ARHGDIA: variants seen among roughly 807,000 people sequenced by gnomAD.
ARHGDIA encodes the protein Rho GDP dissociation inhibitor alpha, also known as rho GDP-dissociation inhibitor 1.
In ARHGDIA, 9 loss-of-function variants were observed where a neutral mutation model predicts 25.0. The observed-to-expected ratio is 0.36, with a 90% CI of 0.22 to 0.63. The LOEUF (loss-of-function observed/expected upper bound fraction) is 0.63. ARHGDIA is among the 20% of genes least tolerant of loss of function. The pLI is 0.69. For synonymous variants in ARHGDIA, 166 were observed against 111.5 expected, an observed-to-expected ratio of 1.49 and a Z score of -3.08; for missense variants, 239 against 264.3, an observed-to-expected ratio of 0.90 and a Z score of 0.66.
rs755356784 is a variant in ARHGDIA at position 81,869,091 on chromosome 17, G to C, written c.416-16C>G. Reference sequence around the variant, plus strand: ...GTCTTGTCAACTGCGGCACAAGGAAGAGGGCGGTCAGCGGCCCCGCTTCCC... The same window carrying C: ...GTCTTGTCAACTGCGGCACAAGGAACAGGGCGGTCAGCGGCCCCGCTTCCC... On this transcript the variant is annotated splice_polypyrimidine_tract_variant and intron_variant, in intron 5 of 5. Coordinates refer to ENST00000269321, the MANE Select transcript of ARHGDIA (RefSeq NM_004309.6). The C allele has an allele frequency of 6.2e-7, 1 of 1,612,958 alleles. No homozygotes were observed. The highest frequency in any genetic ancestry group is 1.1e-5 in the South Asian group (1 of 91,018).
Position 81,868,773 on chromosome 17 carries a change from G to T in ARHGDIA, c.*103C>A. The T allele has an allele frequency of 6.4e-7, 1 of 1,555,088 alleles. No individual in the cohort carries two copies. The highest frequency in any genetic ancestry group is 2.4e-5 in the East Asian group (1 of 42,060). ...CGGACCAGGGTGGGAGGGGCACGGA[G>T]GGCCTGTCAGCACTTTGGTATGGGG... is the stretch of plus-strand genomic sequence containing the variant. On this transcript the variant is annotated 3_prime_UTR_variant, in exon 6 of 6. Transcript: ENST00000269321.
rs1598278126 is a variant in ARHGDIA at position 81,868,259 on chromosome 17, T to C, written c.*617A>G. On this transcript the variant is annotated 3_prime_UTR_variant, in exon 6 of 6. Coordinates refer to ENST00000269321, the MANE Select transcript of ARHGDIA (RefSeq NM_004309.6). Reference sequence around the variant, plus strand: ...GAGCAGCAGCAGCACACCCCACGTGTCCCTGGGTCACTGGGTTCGCCACCG... The same window carrying C: ...GAGCAGCAGCAGCACACCCCACGTGCCCCTGGGTCACTGGGTTCGCCACCG... The C allele has an allele frequency of 1.8e-6, 2 of 1,129,560 alleles. No individual in the cohort carries two copies. The highest frequency in any genetic ancestry group is 5.3e-5 in the East Asian group (2 of 37,490). 70.0% of individuals were successfully genotyped at this position (1,129,560 alleles called of 1,614,324 possible).
At position 81,868,635 on chromosome 17, in the gene ARHGDIA, C is replaced by G. The variant is rs767433421; in HGVS notation, c.*241G>C. On this transcript the variant is annotated 3_prime_UTR_variant, in exon 6 of 6. Transcript: ENST00000269321. ...AGGCCTGGCTGCGGCCTCTCTCCCC[C>G]ACAGCACAGGCAGAAGCAGCAACGA... is the stretch of plus-strand genomic sequence containing the variant. 105 of 1,535,254 alleles carry G rather than the reference C, an allele frequency of 6.8e-5. No individual in the cohort carries two copies. The highest frequency in any genetic ancestry group is 8.4e-5 in the Non-Finnish European group (96 of 1,146,782).
chr17:81,868,403 G>T lies in ARHGDIA; in HGVS notation c.*473C>A. The T allele has an allele frequency of 6.9e-7, 1 of 1,446,608 alleles. No homozygotes were observed. The allele number at this position is 1,446,608 out of a possible 1,614,324, so 89.6% of individuals were successfully genotyped here. ...GTTAGACGGGACCGACAGCGACAAG[G>T]GGGCTGGCCAGGGAGCAGCGGGGCT... On this transcript the variant is annotated 3_prime_UTR_variant, in exon 6 of 6. Coordinates refer to ENST00000269321, the MANE Select transcript of ARHGDIA (RefSeq NM_004309.6).
At position 81,868,826 on chromosome 17, in the gene ARHGDIA, G is replaced by C. The variant is rs766228744; in HGVS notation, c.*50C>G. 6.2e-7 allele frequency: 1 copy of C among 1,611,264 alleles called. No individual in the cohort carries two copies. Among genetic ancestry groups the C allele is most frequent in the Non-Finnish European group, 8.5e-7 (1 of 1,179,198 alleles). On this transcript the variant is annotated 3_prime_UTR_variant, in exon 6 of 6. Coordinates refer to ENST00000269321, the MANE Select transcript of ARHGDIA (RefSeq NM_004309.6). ...GGGAGGGGCTGGGGGGGACACATCCGCCTGTCCGTCGTCCGTCCGTCAGTC... is the reference window on the plus strand; with the variant it reads ...GGGAGGGGCTGGGGGGGACACATCCCCCTGTCCGTCGTCCGTCCGTCAGTC...
Position 81,868,275 on chromosome 17 carries a change from T to C in ARHGDIA, c.*601A>G. The C allele has an allele frequency of 7.8e-7, 1 of 1,274,872 alleles. No individual in the cohort carries two copies. The highest frequency in any genetic ancestry group is 1.0e-6 in the Non-Finnish European group (1 of 971,196). 79.0% of individuals were successfully genotyped at this position (1,274,872 alleles called of 1,614,324 possible). A position where few individuals can be genotyped will look rare whatever the true frequency, so the allele number is the denominator to read the frequency against. The stretch of plus-strand genomic sequence containing the variant: ...CCCCACGTGTCCCTGGGTCACTGGG[T>C]TCGCCACCGGGGAAGGGACGGGGAG... On this transcript the variant is annotated 3_prime_UTR_variant, in exon 6 of 6. Coordinates refer to ENST00000269321, the MANE Select transcript of ARHGDIA (RefSeq NM_004309.6).
chr17:81,870,036 C>T, intron 1 of ARHGDIA, 79 bp from the exon 2 acceptor site: 1 of 1,415,002 alleles, frequency 7.1e-7, no homozygotes, highest in Non-Finnish European at 9.5e-7. Flanking sequence ...TGGGCTGCAG[C>T]CGGAGCTCCA....
At position 81,868,908 on chromosome 17, in the gene ARHGDIA, T is replaced by G; in HGVS notation, c.583A>C (p.Asn195His). ...TTCCAGTCCTTCTTGATGGTGAGAT[T>G]CCACTCCCAGGACAGGTGGTCGGTC... ...DKTDHLSWEWNLTIKKDWKD is the reference protein window; with the variant it reads ...DKTDHLSWEWHLTIKKDWKD The change falls in exon 6 of 6, where the codon AAT (asparagine) becomes CAT (histidine). Residue 195 changes from asparagine to histidine, a missense_variant. Transcript: ENST00000269321. 6.2e-7 allele frequency: 1 copy of G among 1,613,752 alleles called. No homozygotes were observed. Among genetic ancestry groups the G allele is most frequent in the South Asian group, 1.1e-5 (1 of 91,078 alleles).
intron 3 of ARHGDIA, 38 bp downstream of exon 3, chr17:81,869,503 CA>C: frequency 6.2e-7 from 1 of 1,608,258 alleles, no homozygotes; most frequent in Non-Finnish European, 8.5e-7. Context: ...AGATCCCCAC[CA>C]GGGGCCGCCC....
In ARHGDIA at chr17:81,868,566, TG is replaced by T; in HGVS notation, c.*309del. On this transcript the variant is annotated 3_prime_UTR_variant, in exon 6 of 6. Coordinates refer to ENST00000269321, the MANE Select transcript of ARHGDIA (RefSeq NM_004309.6). ...CTCCCTCCTGAAGCCAGGCCTCGGG[TG>T]TGACGGGGAGATAGAACCTGGGGGG... is the stretch of plus-strand genomic sequence containing the variant. 6.5e-7 allele frequency: 1 copy of T among 1,534,684 alleles called. No individual in the cohort carries two copies. The highest frequency in any genetic ancestry group is 8.7e-7 in the Non-Finnish European group (1 of 1,146,400).
chr17:81,868,825 C>A lies in ARHGDIA; in HGVS notation c.*51G>T. On this transcript the variant is annotated 3_prime_UTR_variant, in exon 6 of 6. Coordinates refer to ENST00000269321, the MANE Select transcript of ARHGDIA (RefSeq NM_004309.6). ...GGGGAGGGGCTGGGGGGGACACATCCGCCTGTCCGTCGTCCGTCCGTCAGT... is the reference window on the plus strand; with the variant it reads ...GGGGAGGGGCTGGGGGGGACACATCAGCCTGTCCGTCGTCCGTCCGTCAGT... The A allele has an allele frequency of 6.2e-7, 1 of 1,611,228 alleles. No individual in the cohort carries two copies. The highest frequency in any genetic ancestry group is 8.5e-7 in the Non-Finnish European group (1 of 1,179,176).
At position 81,868,754 on chromosome 17, in the gene ARHGDIA, A is replaced by T. The variant is rs1186229976; in HGVS notation, c.*122T>A. 8.0e-7 allele frequency: 1 copy of T among 1,252,014 alleles called. No homozygotes were observed. Among genetic ancestry groups the T allele is most frequent in the East Asian group, 5.0e-5 (1 of 19,852 alleles). The allele number at this position is 1,252,014 out of a possible 1,614,324, so 77.6% of individuals were successfully genotyped here. ...TTGAGCCAGGCCAGGGAGGCGGACC[A>T]GGGTGGGAGGGGCACGGAGGGCCTG... On this transcript the variant is annotated 3_prime_UTR_variant, in exon 6 of 6. Coordinates refer to ENST00000269321, the MANE Select transcript of ARHGDIA (RefSeq NM_004309.6).
At chr17:81,869,710 C>T (rs747602013) in intron 2 of ARHGDIA, 31 bp downstream of exon 2, 63 of 1,593,878 alleles carry the variant, frequency 4.0e-5, no homozygotes, top group South Asian at 1.7e-4. Context: ...AGTGAACGGG[C>T]GGCCACCCGG....
At position 81,871,228 on chromosome 17, in the gene ARHGDIA, C is replaced by T. The variant is rs1598284281; in HGVS notation, c.-28+70G>A. 4 of 149,190 alleles carry T rather than the reference C, an allele frequency of 2.7e-5. No homozygotes were observed. In the South Asian group the frequency reaches 7.2e-4, roughly 27 times the overall value. 9.2% of individuals were successfully genotyped at this position (149,190 alleles called of 1,614,324 possible). On this transcript the variant is annotated intron_variant, in intron 1 of 5. Coordinates refer to ENST00000269321, the MANE Select transcript of ARHGDIA (RefSeq NM_004309.6). ...CCACCTCAGCGCCCCCCGCCCCCGC[C>T]GGCGCCGCCGGTCCCCGCCCCGACC...
chr17:81,870,127 G>A (rs1023317645), intron 1 of ARHGDIA, 170 bp from the exon 2 acceptor site: 2 of 629,346 alleles, frequency 3.2e-6, no homozygotes, highest in South Asian at 2.1e-5. Flanking sequence ...GCAGTGTGAG[G>A]TGCCCCCACC....
In ARHGDIA at chr17:81,868,166, C is replaced by T; in HGVS notation, c.*710G>A. On this transcript the variant is annotated 3_prime_UTR_variant, in exon 6 of 6. Transcript: ENST00000269321. The stretch of plus-strand genomic sequence containing the variant: ...TTTTGGCAATTTGGCTTTCCCCAAG[C>T]CGCCGGAGCCATCTCCACAGCCCTG... The T allele has an allele frequency of 1.9e-6, 1 of 535,628 alleles. No homozygotes were observed. The highest frequency in any genetic ancestry group is 3.1e-6 in the Non-Finnish European group (1 of 319,280). 33.2% of individuals were successfully genotyped at this position (535,628 alleles called of 1,614,324 possible). A position where few individuals can be genotyped will look rare whatever the true frequency, so the allele number is the denominator to read the frequency against.
chr17:81,868,301 G>A lies in ARHGDIA; in HGVS notation c.*575C>T, dbSNP rs1039346249. The stretch of plus-strand genomic sequence containing the variant: ...TCGCCACCGGGGAAGGGACGGGGAG[G>A]CCACATGCTCATGCAGACACAGGGA... On this transcript the variant is annotated 3_prime_UTR_variant, in exon 6 of 6. Coordinates refer to ENST00000269321, the MANE Select transcript of ARHGDIA (RefSeq NM_004309.6). 147 of 1,378,542 alleles carry A rather than the reference G, an allele frequency of 1.1e-4. No individual in the cohort carries two copies. Among genetic ancestry groups the A allele is most frequent in the Non-Finnish European group, 1.2e-4 (131 of 1,057,476 alleles). The allele number at this position is 1,378,542 out of a possible 1,614,324, so 85.4% of individuals were successfully genotyped here.
chr17:81,870,063 G>T, intron 1 of ARHGDIA, 106 bp from the exon 2 acceptor site: 1 of 1,123,692 alleles, frequency 8.9e-7, no homozygotes. Flanking sequence ...CTCCAAGGGG[G>T]CCACCTTCGC....
Position 81,868,931 on chromosome 17 carries a change from G to A in ARHGDIA, c.560C>T (p.Thr187Ile). ...IKSRFTDDDK[T>I]DHLSWEWNLT... ...ATTCCACTCCCAGGACAGGTGGTCG[G>A]TCTTGTCGTCGTCTGTGAAGCGGGA... The change falls in exon 6 of 6, where the codon ACC becomes ATC. Residue 187 changes from threonine (T) to isoleucine (I), a missense_variant. By Grantham distance (89) the Thr-to-Ile change is moderately conservative. Transcript: ENST00000269321. The A allele has an allele frequency of 6.2e-7, 1 of 1,613,762 alleles. No homozygotes were observed. Among genetic ancestry groups the A allele is most frequent in the Non-Finnish European group, 8.5e-7 (1 of 1,179,948 alleles).
Sources: gnomAD v4.1 joint callset for allele counts on GRCh38, gnomAD v4.1.1 for gene constraint, MANE v1.5 for transcripts, NCBI Gene and HGNC (gene_info 2026-07-23, HGNC 2026-07-21) for gene names.